RAB27B: variants seen among roughly 807,000 people sequenced by gnomAD.
RAB27B encodes the protein RAB27B, member RAS oncogene family.
A neutral mutation model predicts 24.6 loss-of-function variants in RAB27B; 15 were observed. The ratio of observed to expected loss-of-function variants is 0.61; its 90% CI spans 0.41 to 0.94. The LOEUF is 0.94. Among genes scored for constraint, RAB27B ranks in the 40% least tolerant of loss-of-function variants. The pLI, the probability that RAB27B is intolerant of heterozygous loss-of-function variation, is 0.00. For missense variants in RAB27B, 261 were observed against 266.8 expected (o/e 0.98, Z 0.15); for synonymous variants, 105 against 92.5 (o/e 1.14, Z -0.78).
At chr18:54,842,547 G>C (rs1455781161) in intron 1 of RAB27B, among the ~76,000 whole-genome samples, 1 of 152,086 alleles carries the variant, frequency 6.6e-6, no homozygotes, top group Non-Finnish European at 1.5e-5. Flanking sequence ...TATCAAGAAA[G>C]ATAAACAAGA....
At chr18:54,820,074 A>C (rs1199616656) in intron 2 of RAB27B, among the ~76,000 whole-genome samples, 1 of 152,168 alleles carries the variant, frequency 6.6e-6, no homozygotes, top group East Asian at 1.9e-4. Context: ...GTGCTGCGAT[A>C]AACATACGTG....
intron 2 of RAB27B, among the ~76,000 whole-genome samples, chr18:54,792,961 G>A (rs187296456): frequency 2.6e-5 from 4 of 152,322 alleles, no homozygotes; most frequent in African/African-American, 9.6e-5. Flanking sequence ...CAGAGCTGGA[G>A]TATAGAAGTC....
chr18:54,813,885 G>C (rs961820833), intron 2 of RAB27B, among the ~76,000 whole-genome samples: 1 of 152,070 alleles, frequency 6.6e-6, no homozygotes, highest in African/African-American at 2.4e-5. Flanking sequence ...CCACACAATG[G>C]ATAATTAGTT....
At chr18:54,837,025 C>A (rs1910922079) in intron 1 of RAB27B, among the ~76,000 whole-genome samples, 1 of 57,074 alleles carries the variant, frequency 1.8e-5, no homozygotes, top group African/African-American at 3.6e-5. Flanking sequence ...TAAGTGCCTA[C>A]TATCTGTCAG....
intron 2 of RAB27B, among the ~76,000 whole-genome samples, chr18:54,819,161 T>G (rs1182427904): frequency 6.8e-6 from 1 of 147,222 alleles, no homozygotes; most frequent in Non-Finnish European, 1.5e-5. Context: ...TAATTATATA[T>G]TAACATAATT....
intron 2 of RAB27B, among the ~76,000 whole-genome samples, chr18:54,745,941 C>T (rs1910231182): frequency 6.6e-6 from 1 of 150,610 alleles, no homozygotes; most frequent in African/African-American, 2.5e-5. Context: ...ATGGATACTG[C>T]AGTCTGGTTG....
chr18:54,884,819 G>A (rs1201876797), intron 4 of RAB27B, among the ~76,000 whole-genome samples: 1 of 152,080 alleles, frequency 6.6e-6, no homozygotes. Context: ...AGGGAAAATC[G>A]GCAGTATTTT....
At position 54,889,375 on chromosome 18, in the gene RAB27B, G is replaced by A. The variant is rs771580227; in HGVS notation, c.619G>A (p.Asp207Asn). 1.2e-6 allele frequency: 2 copies of A among 1,613,046 alleles called. No homozygotes were observed. Among genetic ancestry groups the A allele is most frequent in the Non-Finnish European group, 1.7e-6 (2 of 1,179,354 alleles). The part of the protein sequence containing the change: ...TVNGGNSGNL[D>N]GEKPPEKKCI... ...CAATGGTGGAAATTCTGGAAACTTGGATGGGGAAAAGCCACCAGAGAAGAA... is the reference window on the plus strand; with the variant it reads ...CAATGGTGGAAATTCTGGAAACTTGAATGGGGAAAAGCCACCAGAGAAGAA... Residue 207 changes from aspartate (D) to asparagine (N), a missense_variant, in exon 6 of 6, where the codon GAT becomes AAT. Coordinates refer to ENST00000262094, the MANE Select transcript of RAB27B (RefSeq NM_004163.4).
chr18:54,817,661 G>A (rs1312107670), intron 2 of RAB27B, among the ~76,000 whole-genome samples: 6 of 152,030 alleles, frequency 3.9e-5, no homozygotes, highest in Admixed American at 3.9e-4. Flanking sequence ...TGCAATTGAA[G>A]TAATCATCTG....
At position 54,889,481 on chromosome 18, in the gene RAB27B, C is replaced by T. The variant is rs189635762; in HGVS notation, c.*68C>T. On this transcript the variant is annotated 3_prime_UTR_variant, in exon 6 of 6. Transcript: ENST00000262094. ...TACTTTTAAAAACAATGACAAACCACACAATTGTTGTTGAGTAAACCACGC... is the reference window on the plus strand; with the variant it reads ...TACTTTTAAAAACAATGACAAACCATACAATTGTTGTTGAGTAAACCACGC... 36 of 1,406,698 alleles carry T rather than the reference C, an allele frequency of 2.6e-5. No homozygotes were observed. The highest frequency in any genetic ancestry group is 3.4e-5 in the Non-Finnish European group (36 of 1,047,010). The allele number at this position is 1,406,698 out of a possible 1,614,324, so 87.1% of individuals were successfully genotyped here. A position where few individuals can be genotyped will look rare whatever the true frequency, so the allele number is the denominator to read the frequency against.
At chr18:54,773,420 A>G (rs1465152144) in intron 2 of RAB27B, among the ~76,000 whole-genome samples, 4 of 152,328 alleles carry the variant, frequency 2.6e-5, no homozygotes, top group Admixed American at 1.3e-4. Context: ...AACAGACCAC[A>G]AAGCTTCTGC....
chr18:54,851,671 T>C (rs530467527), intron 1 of RAB27B, among the ~76,000 whole-genome samples: 32 of 152,196 alleles, frequency 2.1e-4, no homozygotes, highest in Non-Finnish European at 3.8e-4. Context: ...GCATCTTGTT[T>C]GTCTGCTTTT....
chr18:54,886,342 A>G (rs757554356), intron 4 of RAB27B, among the ~76,000 whole-genome samples: 1 of 152,150 alleles, frequency 6.6e-6, no homozygotes, highest in Non-Finnish European at 1.5e-5. Flanking sequence ...TTTTATTTCA[A>G]TGCAATATGC....
At chr18:54,754,077 C>T (rs1598880193) in intron 2 of RAB27B, among the ~76,000 whole-genome samples, 1 of 152,156 alleles carries the variant, frequency 6.6e-6, no homozygotes, top group Non-Finnish European at 1.5e-5. Context: ...CTCTGTGTCC[C>T]CACCTAACTC....
At chr18:54,743,095 C>A (rs1206963164) in intron 2 of RAB27B, among the ~76,000 whole-genome samples, 1 of 152,210 alleles carries the variant, frequency 6.6e-6, no homozygotes, top group Non-Finnish European at 1.5e-5. Context: ...CTTGGACACC[C>A]ACTCTTATTG....
chr18:54,849,412 C>A (rs1911465287), intron 1 of RAB27B, among the ~76,000 whole-genome samples: 1 of 152,186 alleles, frequency 6.6e-6, no homozygotes, highest in African/African-American at 2.4e-5. Context: ...TGCACCAGCA[C>A]CTGCACTATA....
At chr18:54,850,662 G>A (rs1911546454) in intron 1 of RAB27B, among the ~76,000 whole-genome samples, 1 of 151,368 alleles carries the variant, frequency 6.6e-6, no homozygotes, top group Admixed American at 6.6e-5. Context: ...CACCGTGCCT[G>A]GCTTCAGAAT....
At chr18:54,835,675 T>C (rs1910867084) in intron 1 of RAB27B, among the ~76,000 whole-genome samples, 1 of 152,026 alleles carries the variant, frequency 6.6e-6, no homozygotes, top group Admixed American at 6.5e-5. Flanking sequence ...AAAAGTCTAT[T>C]CTTTAATCTT....
chr18:54,858,886 G>A (rs1911897363), intron 1 of RAB27B, among the ~76,000 whole-genome samples: 1 of 152,158 alleles, frequency 6.6e-6, no homozygotes, highest in Admixed American at 6.5e-5. Context: ...CAATAAACTG[G>A]AAGTGTCAGA....
Sources: gnomAD v4.1 joint callset for allele counts (sites outside exome capture counted in the v4.1 genomes callset) on GRCh38, gnomAD v4.1.1 for gene constraint, MANE v1.5 for transcripts, NCBI Gene and HGNC (gene_info 2026-07-23, HGNC 2026-07-21) for gene names.